The following DISP3 variants were observed in gnomAD, a reference collection of about 807,000 sequenced individuals.
The protein encoded by DISP3 is dispatched RND transporter family member 3, also known as protein dispatched homolog 3.
A neutral mutation model predicts 135.3 loss-of-function variants in DISP3; 101 were observed. The observed-to-expected ratio is 0.75, with a 90% CI of 0.64 to 0.88. The LOEUF is 0.88. Among genes scored for constraint, DISP3 ranks in the 40% least tolerant of loss-of-function variants. The pLI is 0.00. For synonymous variants in DISP3, 856 were observed against 817.0 expected (o/e 1.05, Z -0.81); for missense variants, 1,713 against 1,878.6 (o/e 0.91, Z 1.63).
intron 1 of DISP3, among the ~76,000 whole-genome samples, chr1:11,482,867 A>G (rs957759258): frequency 6.6e-6 from 1 of 152,174 alleles, no homozygotes; most frequent in African/African-American, 2.4e-5. Context: ...TGTCTTGCCA[A>G]AGGAGCTGGG....
Position 11,502,797 on chromosome 1 carries a change from C to G in DISP3, c.1216C>G (p.Pro406Ala). ...TGAGATCCTGTTTGGAGCACCCCTG[C>G]CCAACTACTACTCAGTAGATGACCG... ...RSEILFGAPL[P>A]NYYSVDDRWE... The change falls in exon 3 of 21, where the codon CCC (proline) becomes GCC (alanine). Residue 406 changes from proline (P) to alanine (A), a missense_variant. Coordinates refer to ENST00000294484, the MANE Select transcript of DISP3 (RefSeq NM_020780.2). The G allele has an allele frequency of 1.2e-6, 2 of 1,614,222 alleles. No homozygotes were observed. Among genetic ancestry groups the G allele is most frequent in the Non-Finnish European group, 1.7e-6 (2 of 1,180,040 alleles).
intron 17 of DISP3, chr1:11,533,828 G>A (rs1364619086): frequency 1.4e-6 from 1 of 717,758 alleles, no homozygotes; most frequent in Non-Finnish European, 2.6e-6. Flanking sequence ...TTAGAGCAGG[G>A]TGAGTGCCTA....
At chr1:11,521,928 G>T (rs1243282141) in intron 10 of DISP3, among the ~76,000 whole-genome samples, 2 of 152,166 alleles carry the variant, frequency 1.3e-5, no homozygotes, top group South Asian at 2.1e-4. Context: ...CAGGTGCTGT[G>T]TGGAGGTGGA....
chr1:11,509,048 T>C (rs1051111267), intron 3 of DISP3, among the ~76,000 whole-genome samples: 1 of 152,208 alleles, frequency 6.6e-6, no homozygotes, highest in Non-Finnish European at 1.5e-5. Context: ...GCTATAAAAT[T>C]CCCCTTAAGT....
At chr1:11,526,199 G>C (rs1642413656) in intron 12 of DISP3, among the ~76,000 whole-genome samples, 2 of 152,118 alleles carry the variant, frequency 1.3e-5, no homozygotes, top group African/African-American at 4.8e-5. Flanking sequence ...CTTCAGCTTC[G>C]TGCGTGGCTG....
chr1:11,509,694 A>G (rs1641804076), intron 3 of DISP3, among the ~76,000 whole-genome samples: 2 of 152,218 alleles, frequency 1.3e-5, no homozygotes, highest in Non-Finnish European at 2.9e-5. Context: ...GAATATAACC[A>G]ATCCAGCTTC....
chr1:11,532,751 G>A (rs932967421), intron 17 of DISP3, among the ~76,000 whole-genome samples: 2 of 152,210 alleles, frequency 1.3e-5, no homozygotes, highest in Admixed American at 6.5e-5. Context: ...AGGCTGGAGT[G>A]CAGTGGCACG....
chr1:11,517,609 C>T lies in DISP3; in HGVS notation c.1889+7C>T, dbSNP rs767567397. On this transcript the variant is annotated splice_region_variant and intron_variant, in intron 7 of 20. Transcript: ENST00000294484. ...AGAGCTCCTGCCAGACCAGGTAAGT[C>T]GGGCAGGGCCTCCACCCACAGCAGG... The T allele has an allele frequency of 5.6e-6, 9 of 1,612,382 alleles. No individual in the cohort carries two copies. The highest frequency in any genetic ancestry group is 2.7e-5 in the African/African-American group (2 of 74,934).
intron 1 of DISP3, among the ~76,000 whole-genome samples, chr1:11,485,576 G>A (rs1359684235): frequency 6.6e-6 from 1 of 152,166 alleles, no homozygotes; most frequent in East Asian, 1.9e-4. Flanking sequence ...GGAAAAGTAT[G>A]TGTCCCCCAC....
At chr1:11,496,893 C>T (rs992682858) in intron 1 of DISP3, among the ~76,000 whole-genome samples, 12 of 152,212 alleles carry the variant, frequency 7.9e-5, no homozygotes, top group Non-Finnish European at 1.8e-4. Flanking sequence ...CCAAGAAGGG[C>T]AGGACATACC....
At position 11,501,429 on chromosome 1, in the gene DISP3, A is replaced by C; in HGVS notation, c.437A>C (p.Glu146Ala). The C allele has an allele frequency of 6.3e-7, 1 of 1,595,080 alleles. No individual in the cohort carries two copies. The highest frequency in any genetic ancestry group is 8.5e-7 in the Non-Finnish European group (1 of 1,171,330). ...NRRDLADFTS[E>A]TLQRLISEQL... ...CGCGATTTGGCCGACTTCACCTCCG[A>C]GACGCTTCAGCGCCTTATCTCAGAG... The change falls in exon 2 of 21, where the codon GAG becomes GCG. Residue 146 changes from glutamate to alanine, a missense_variant. By Grantham distance (107) the Glu-to-Ala change is moderately radical. Around this residue, in one of 2 missense-constraint regions of DISP3, gnomAD observed 571 missense variants for 494.1 expected, o/e 1.16. Coordinates refer to ENST00000294484, the MANE Select transcript of DISP3 (RefSeq NM_020780.2). The surrounding 1 kb of genome is among the most constrained non-coding windows in gnomAD (Gnocchi z 4.9).
chr1:11,528,936 A>C (rs1301391477), intron 13 of DISP3, among the ~76,000 whole-genome samples: 1 of 152,088 alleles, frequency 6.6e-6, no homozygotes. Flanking sequence ...CCAGCCTGGG[A>C]CCCTGACTCG....
chr1:11,487,405 C>T (rs1641067986), intron 1 of DISP3, among the ~76,000 whole-genome samples: 1 of 152,248 alleles, frequency 6.6e-6, no homozygotes, highest in Non-Finnish European at 1.5e-5. Context: ...GCGGCTGCCA[C>T]CGCTACCCCT....
In DISP3 at chr1:11,502,106, T is replaced by C. The variant is rs771832626; in HGVS notation, c.1096+18T>C. 3.3e-5 allele frequency: 50 copies of C among 1,536,020 alleles called. No individual in the cohort carries two copies. In the South Asian group the frequency reaches 5.7e-4, roughly 18 times the overall value. On this transcript the variant is annotated intron_variant, in intron 2 of 20. Transcript: ENST00000294484. Reference sequence around the variant, plus strand: ...CATCCGGGGTGAGCCGCCGGGATGCTGGGAGGGGGCGTAGGTCCAGGTTTC... The same window carrying C: ...CATCCGGGGTGAGCCGCCGGGATGCCGGGAGGGGGCGTAGGTCCAGGTTTC...
chr1:11,528,687 C>T lies in DISP3; in HGVS notation c.2799-869C>T, dbSNP rs576857039. Among the ~76,000 whole-genome samples the T allele has an allele frequency of 6.6e-5, 10 of 152,260 alleles. No individual in the cohort carries two copies. The South Asian group carries it at 1.0e-3, about 16-fold the overall frequency. ...TGGTCTCTGACAGAACTCGGTGATA[C>T]GCGGGGACTGTGGTCTCTGACGGGG... On this transcript the variant is annotated intron_variant, in intron 13 of 20. Transcript: ENST00000294484.
In DISP3 at chr1:11,519,957, C is replaced by G. The variant is rs562588996; in HGVS notation, c.2200+77C>G. The G allele has an allele frequency of 4.2e-6, 6 of 1,438,760 alleles. No individual in the cohort carries two copies. In the African/African-American group the frequency reaches 7.0e-5, roughly 17 times the overall value. 89.1% of individuals were successfully genotyped at this position (1,438,760 alleles called of 1,614,324 possible). A position where few individuals can be genotyped will look rare whatever the true frequency, so the allele number is the denominator to read the frequency against. On this transcript the variant is annotated intron_variant, in intron 9 of 20. Coordinates refer to ENST00000294484, the MANE Select transcript of DISP3 (RefSeq NM_020780.2). This position sits in a 1 kb window ranked among gnomAD's most constrained non-coding sequence, Gnocchi z 4.3. ...CACACAGGAACTGGGAGCCCACCCCCTCTCGCAGATGCCCCAGGGTCAGAG... is the reference window on the plus strand; with the variant it reads ...CACACAGGAACTGGGAGCCCACCCCGTCTCGCAGATGCCCCAGGGTCAGAG...
intron 1 of DISP3, among the ~76,000 whole-genome samples, chr1:11,495,578 T>A (rs1289841686): frequency 1.3e-5 from 2 of 152,138 alleles, no homozygotes; most frequent in Admixed American, 6.5e-5. Context: ...TGATCTTGGG[T>A]TAGTCCCTTC....
At chr1:11,525,070 A>G (rs1642373167) in intron 11 of DISP3, 106 bp from the exon 12 acceptor site, 1 of 1,385,588 alleles carries the variant, frequency 7.2e-7, no homozygotes, top group Non-Finnish European at 1.0e-6. Flanking sequence ...GCCCAAGGCC[A>G]GGACTGAGCT....
intron 1 of DISP3, among the ~76,000 whole-genome samples, chr1:11,486,662 G>A (rs1173146863): frequency 6.6e-6 from 1 of 152,130 alleles, no homozygotes; most frequent in Non-Finnish European, 1.5e-5. Flanking sequence ...AGGAGTTGAA[G>A]ACATCACTAA....
Sources: allele counts gnomAD v4.1 joint callset (sites outside exome capture counted in the v4.1 genomes callset), GRCh38; gene constraint gnomAD v4.1.1; regional missense constraint gnomAD v4.1.1; non-coding constraint Gnocchi (gnomAD v3.1); transcripts MANE v1.5; gene names NCBI Gene and HGNC (gene_info 2026-07-23, HGNC 2026-07-21).